The following STRN variants were observed in gnomAD, a reference collection of about 807,000 sequenced individuals.
STRN encodes protein phosphatase 2 regulatory subunit B'''alpha.
A neutral mutation model predicts 96.3 loss-of-function variants in STRN; 53 were observed. That is an observed-to-expected ratio of 0.55 (90% confidence interval 0.44 to 0.69). STRN has a LOEUF of 0.69. Ranked by LOEUF, STRN falls within the 30% of genes least tolerant of loss-of-function variation. The probability of loss-of-function intolerance (pLI) is 0.00; values close to 1 mark genes in which losing one functional copy is unlikely to be tolerated. For missense variants in STRN, 987 were observed against 963.9 expected, an observed-to-expected ratio of 1.02 and a Z score of -0.32; for synonymous variants, 428 against 355.9, an observed-to-expected ratio of 1.20 and a Z score of -2.28.
At chr2:36,885,563 C>A (rs1669198237) in intron 8 of STRN, among the ~76,000 whole-genome samples, 1 of 152,136 alleles carries the variant, frequency 6.6e-6, no homozygotes, top group African/African-American at 2.4e-5. Context: ...GATAGCATTA[C>A]AACATCATCT....
chr2:36,908,628 T>TA (rs927606515), intron 3 of STRN, among the ~76,000 whole-genome samples: 17 of 151,850 alleles, frequency 1.1e-4, no homozygotes, highest in African/African-American at 3.1e-4. Context: ...CCTATCCTCT[T>TA]AAAAAAAAGT....
At chr2:36,862,855 C>T (rs1572629867) in intron 12 of STRN, among the ~76,000 whole-genome samples, 1 of 152,014 alleles carries the variant, frequency 6.6e-6, no homozygotes, top group Non-Finnish European at 1.5e-5. Flanking sequence ...CTGCCTCAGC[C>T]TCTCCGAGTA....
intron 3 of STRN, among the ~76,000 whole-genome samples, chr2:36,907,911 G>A (rs1270052994): frequency 2.0e-5 from 3 of 151,620 alleles, no homozygotes; most frequent in Non-Finnish European, 2.9e-5. Flanking sequence ...TGGAAAGGCA[G>A]GTAGAAAATA....
intron 1 of STRN, among the ~76,000 whole-genome samples, chr2:36,947,241 A>G (rs548129632): frequency 1.1e-3 from 164 of 152,276 alleles, no homozygotes; most frequent in African/African-American, 3.8e-3. Context: ...TTCCTTAACT[A>G]GGAAGGACAA....
intron 15 of STRN, among the ~76,000 whole-genome samples, chr2:36,851,381 G>A (rs1033479392): frequency 3.0e-4 from 46 of 152,090 alleles, no homozygotes; most frequent in Non-Finnish European, 4.4e-5. Context: ...TACTCAGGAG[G>A]CTGAGGCAGG....
chr2:36,906,588 A>C (rs1669827210), intron 3 of STRN, among the ~76,000 whole-genome samples: 1 of 152,108 alleles, frequency 6.6e-6, no homozygotes, highest in Non-Finnish European at 1.5e-5. Context: ...GATATATAAC[A>C]ACCTCAATCC....
chr2:36,966,489 G>T lies in STRN; in HGVS notation c.-26C>A. On this transcript the variant is annotated 5_prime_UTR_variant, in exon 1 of 18. Transcript: ENST00000263918. ...GGCGGCCGCAGATACCCGGGGAGCT[G>T]CCCCGGCGCCCAGCAGCGGAGGCAA... 1 of 1,400,352 alleles carries T rather than the reference G, an allele frequency of 7.1e-7. No homozygotes were observed. The highest frequency in any genetic ancestry group is 1.5e-5 in the South Asian group (1 of 65,474). The allele number at this position is 1,400,352 out of a possible 1,614,324, so 86.7% of individuals were successfully genotyped here.
intron 10 of STRN, among the ~76,000 whole-genome samples, chr2:36,872,410 T>A (rs1170906794): frequency 6.6e-6 from 1 of 152,194 alleles, no homozygotes; most frequent in African/African-American, 2.4e-5. Context: ...AGTCAAGTCT[T>A]CAGGTGATAC....
At chr2:36,857,226 T>A (rs2717495) in intron 14 of STRN, among the ~76,000 whole-genome samples, 3 of 151,646 alleles carry the variant, frequency 2.0e-5, no homozygotes, top group African/African-American at 7.3e-5. Flanking sequence ...CACACCTGGA[T>A]TCTATGTCTT....
At chr2:36,881,828 T>C (rs1387415355) in intron 9 of STRN, among the ~76,000 whole-genome samples, 2 of 152,222 alleles carry the variant, frequency 1.3e-5, no homozygotes, top group Non-Finnish European at 2.9e-5. Flanking sequence ...ACTTTTTGAA[T>C]TATGAGAATA....
chr2:36,948,848 A>C (rs570103064), intron 1 of STRN, among the ~76,000 whole-genome samples: 2 of 152,362 alleles, frequency 1.3e-5, no homozygotes, highest in South Asian at 4.1e-4. Context: ...AATTTGAATA[A>C]AGAATATATA....
chr2:36,882,639 T>C (rs1158078253), intron 9 of STRN, among the ~76,000 whole-genome samples: 4 of 152,166 alleles, frequency 2.6e-5, no homozygotes, highest in Non-Finnish European at 4.4e-5. Flanking sequence ...CATGGTGGCA[T>C]GTGCCTATAG....
intron 1 of STRN, among the ~76,000 whole-genome samples, chr2:36,946,280 T>A (rs910194212): frequency 5.3e-5 from 8 of 151,176 alleles, no homozygotes; most frequent in Non-Finnish European, 8.8e-5. Flanking sequence ...GAAAGAAAAA[T>A]AAAAGAGAGA....
intron 1 of STRN, among the ~76,000 whole-genome samples, chr2:36,953,547 C>T (rs1053938452): frequency 5.3e-5 from 8 of 151,972 alleles, no homozygotes; most frequent in Non-Finnish European, 8.8e-5. Flanking sequence ...GGACTACAGG[C>T]ACCCGCCACC....
At chr2:36,876,268 CT>C (rs1374817771) in intron 10 of STRN, among the ~76,000 whole-genome samples, 1 of 53,356 alleles carries the variant, frequency 1.9e-5, no homozygotes, top group Non-Finnish European at 4.7e-5. Context: ...GAGACCCTGC[CT>C]TAAAAAAAAA....
chr2:36,855,476 T>C, intron 14 of STRN, 124 bp from the exon 15 acceptor site: 1 of 946,592 alleles, frequency 1.1e-6, no homozygotes, highest in South Asian at 1.8e-5. Context: ...ACCATTAGAA[T>C]AAGAATTAGC....
At chr2:36,898,899 G>T (rs1669611770) in intron 6 of STRN, among the ~76,000 whole-genome samples, 3 of 152,080 alleles carry the variant, frequency 2.0e-5, no homozygotes, top group Non-Finnish European at 2.9e-5. Context: ...AAGGGAGAAG[G>T]GGAAGAGGGG....
At chr2:36,857,047 G>C (rs1004496050) in intron 14 of STRN, among the ~76,000 whole-genome samples, 1 of 150,948 alleles carries the variant, frequency 6.6e-6, no homozygotes, top group African/African-American at 2.4e-5. Flanking sequence ...CCCAGTCTCA[G>C]GTATTTCTTT....
At chr2:36,867,478 T>A (rs1668659247) in intron 12 of STRN, 1 of 174,504 alleles carries the variant, frequency 5.7e-6, no homozygotes, top group African/African-American at 2.4e-5. Context: ...AATTGTAGGG[T>A]ATCTACTACC....
Sources: allele counts gnomAD v4.1 joint callset (sites outside exome capture counted in the v4.1 genomes callset), GRCh38; gene constraint gnomAD v4.1.1; transcripts MANE v1.5; gene names NCBI Gene and HGNC (gene_info 2026-07-23, HGNC 2026-07-21).